AHRR: variants seen among roughly 807,000 people sequenced by gnomAD.
AHRR encodes ahR repressor.
A neutral mutation model predicts 44.0 loss-of-function variants in AHRR; 28 were observed. The ratio of observed to expected loss-of-function variants is 0.64; its 90% confidence interval spans 0.47 to 0.87. The LOEUF is 0.87. AHRR is among the 40% of genes least tolerant of loss of function. AHRR has a pLI of 0.00. For missense variants in AHRR, 990 were observed against 953.9 expected (o/e 1.04, Z -0.50); for synonymous variants, 434 against 407.0 (o/e 1.07, Z -0.80).
chr5:402,874 G>A (rs1000988169), intron 4 of AHRR, among the ~76,000 whole-genome samples: 1 of 152,164 alleles, frequency 6.6e-6, no homozygotes, highest in Non-Finnish European at 1.5e-5. Flanking sequence ...GAAAAAGAAG[G>A]GAATCCTGGT....
chr5:365,538 T>C (rs75509302), intron 3 of AHRR, among the ~76,000 whole-genome samples: 14,962 of 152,174 alleles, frequency 0.098, 1,050 homozygotes, highest in Non-Finnish European at 0.13. Flanking sequence ...GCTAAGCATT[T>C]AATTAAGTAG....
chr5:432,899 G>C lies in AHRR; in HGVS notation c.1064G>C (p.Cys355Ser). The part of the protein sequence containing the change: ...AQVPARAPCL[C>S]LRGGPDLVLD... ...GTTCCCGCCAGGGCCCCATGCCTGT[G>C]CCTCCGGGGTGGCCCTGACCTTGTC... The change falls in exon 10 of 11, where the codon TGC becomes TCC. Residue 355 changes from cysteine (C) to serine (S), a missense_variant. Cys to Ser is a moderately radical substitution (Grantham distance 112). Coordinates refer to ENST00000684583, the MANE Select transcript of AHRR (RefSeq NM_001377236.1). 2 of 1,613,486 alleles carry C rather than the reference G, an allele frequency of 1.2e-6. No individual in the cohort carries two copies. Among genetic ancestry groups the C allele is most frequent in the Non-Finnish European group, 8.5e-7 (1 of 1,179,968 alleles).
At chr5:421,323 C>T (rs866543918) in intron 5 of AHRR, 1 of 695,856 alleles carries the variant, frequency 1.4e-6, no homozygotes, top group African/African-American at 1.8e-5. Flanking sequence ...GGTCGCGATG[C>T]GGGGCAGGGG....
At chr5:421,240 C>T in intron 5 of AHRR, 1 of 693,748 alleles carries the variant, frequency 1.4e-6, no homozygotes, top group South Asian at 1.5e-5. Flanking sequence ...GCCCACCCCG[C>T]GGTTCAGCCA....
Position 347,507 on chromosome 5 carries a change from T to C in AHRR, c.62+3543T>C, listed in dbSNP as rs1742717736. Among the ~76,000 whole-genome samples the C allele has an allele frequency of 2.6e-5, 4 of 152,216 alleles. No individual in the cohort carries two copies. The South Asian group carries it at 8.3e-4, about 31-fold the overall frequency. On this transcript the variant is annotated intron_variant, in intron 2 of 10. Transcript: ENST00000684583. ...AAATATATGTATTTATGTTTAAAAC[T>C]TTTAAGCACTTGGGGAAGAAAGAGG...
chr5:344,419 C>G (rs187267036), intron 2 of AHRR, among the ~76,000 whole-genome samples: 1,455 of 18,006 alleles, frequency 0.081, 19 homozygotes, highest in Non-Finnish European at 0.11. Flanking sequence ...GGGGTGTGTG[C>G]GGTATGTGTG....
At chr5:398,732 C>A (rs1169665915) in intron 4 of AHRR, among the ~76,000 whole-genome samples, 1 of 152,220 alleles carries the variant, frequency 6.6e-6, no homozygotes, top group Non-Finnish European at 1.5e-5. Flanking sequence ...GCCGTTGTCA[C>A]CGATGGGCTT....
chr5:426,693 G>C (rs1736415029), intron 7 of AHRR, among the ~76,000 whole-genome samples: 1 of 150,818 alleles, frequency 6.6e-6, no homozygotes, highest in African/African-American at 2.4e-5. Flanking sequence ...ATGGATAGAT[G>C]GATGGGTGGA....
In AHRR at chr5:380,785, T is replaced by C. The variant is rs548200677; in HGVS notation, c.351+4069T>C. 3.9e-5 allele frequency among the ~76,000 whole-genome samples: 6 copies of C among 152,260 alleles called. No homozygotes were observed. In the East Asian group the frequency reaches 1.2e-3, roughly 29 times the overall value. The stretch of plus-strand genomic sequence containing the variant: ...GGAGTCTCCAGAGATACAAAACCAA[T>C]AGGTTATATGTGAGGAGCCTTATTA... On this transcript the variant is annotated intron_variant, in intron 4 of 10. Transcript: ENST00000684583.
intron 1 of AHRR, among the ~76,000 whole-genome samples, chr5:334,059 C>T (rs1483304319): frequency 6.6e-6 from 1 of 152,148 alleles, no homozygotes; most frequent in Non-Finnish European, 1.5e-5. Flanking sequence ...CTCTTCTGGC[C>T]TGCAAGGTTT....
intron 4 of AHRR, among the ~76,000 whole-genome samples, chr5:408,003 G>T (rs995138842): frequency 6.6e-6 from 1 of 152,226 alleles, no homozygotes; most frequent in Non-Finnish European, 1.5e-5. Context: ...TACCATGGGA[G>T]GGAGTTGGCA....
chr5:333,136 G>T (rs1447439577), intron 1 of AHRR, among the ~76,000 whole-genome samples: 1 of 151,656 alleles, frequency 6.6e-6, no homozygotes, highest in African/African-American at 2.4e-5. Context: ...TCAAACTCCT[G>T]GCCTCAAGCA....
At chr5:429,792 G>A (rs1308863626) in intron 8 of AHRR, among the ~76,000 whole-genome samples, 1 of 152,228 alleles carries the variant, frequency 6.6e-6, no homozygotes, top group Non-Finnish European at 1.5e-5. Flanking sequence ...GGAGTGATTG[G>A]CTGAGGCTGC....
chr5:360,607 G>T (rs1743144284), intron 3 of AHRR, among the ~76,000 whole-genome samples: 2 of 152,166 alleles, frequency 1.3e-5, no homozygotes, highest in African/African-American at 4.8e-5. Flanking sequence ...GGAGAGCTGT[G>T]GTCGTAGAGA....
intron 3 of AHRR, among the ~76,000 whole-genome samples, chr5:367,125 A>G (rs540111826): frequency 1.3e-5 from 2 of 152,336 alleles, no homozygotes; most frequent in East Asian, 3.9e-4. Context: ...GGAAAACTAA[A>G]ATGGAGAAGT....
chr5:398,539 C>G (rs1201605584), intron 4 of AHRR, among the ~76,000 whole-genome samples: 1 of 152,230 alleles, frequency 6.6e-6, no homozygotes, highest in Non-Finnish European at 1.5e-5. Flanking sequence ...CTCGGCTCAG[C>G]TGGGCTTGGA....
intron 2 of AHRR, among the ~76,000 whole-genome samples, chr5:345,565 T>C (rs1357426189): frequency 1.4e-5 from 2 of 142,192 alleles, no homozygotes; most frequent in Non-Finnish European, 1.5e-5. Flanking sequence ...TGTGTGGGGA[T>C]GTGTGGGTGT....
intron 4 of AHRR, among the ~76,000 whole-genome samples, chr5:400,933 C>T (rs186179469): frequency 3.2e-4 from 49 of 152,330 alleles, no homozygotes; most frequent in Middle Eastern, 3.4e-3. Flanking sequence ...CAGGAGCCGG[C>T]GGGCACAGAC....
At chr5:378,227 A>T (rs1733825993) in intron 4 of AHRR, among the ~76,000 whole-genome samples, 1 of 152,166 alleles carries the variant, frequency 6.6e-6, no homozygotes, top group South Asian at 2.1e-4. Context: ...TTTTATTTCT[A>T]ATCTTCAATC....
Sources: gnomAD v4.1 joint callset for allele counts (sites outside exome capture counted in the v4.1 genomes callset) on GRCh38, gnomAD v4.1.1 for gene constraint, MANE v1.5 for transcripts, NCBI Gene and HGNC (gene_info 2026-07-23, HGNC 2026-07-21) for gene names.